Variants in DOCK7 observed in about 807,000 individuals in gnomAD.
The protein encoded by DOCK7 is dedicator of cytokinesis 7, also known as dedicator of cytokinesis protein 7.
DOCK7 carries 138 observed loss-of-function variants against 271.0 expected under a neutral mutation model. The ratio of observed to expected loss-of-function variants is 0.51; its 90% confidence interval spans 0.44 to 0.59. The LOEUF is 0.59. DOCK7 is among the 20% of genes least tolerant of loss of function. The probability of loss-of-function intolerance (pLI) is 0.00; values close to 1 mark genes in which losing one functional copy is unlikely to be tolerated. For missense variants in DOCK7, 2,066 were observed against 2,592.4 expected, an observed-to-expected ratio of 0.80 and a Z score of 4.41; for synonymous variants, 823 against 876.1, an observed-to-expected ratio of 0.94 and a Z score of 1.07.
chr1:62,530,012 A>G (rs1295748500), intron 29 of DOCK7, among the ~76,000 whole-genome samples: 1 of 152,224 alleles, frequency 6.6e-6, no homozygotes, highest in African/African-American at 2.4e-5. Context: ...CCTCAGTTTC[A>G]AATGGGCTAA....
chr1:62,530,360 A>G (rs1645137014), intron 29 of DOCK7, among the ~76,000 whole-genome samples: 3 of 152,184 alleles, frequency 2.0e-5, no homozygotes, highest in African/African-American at 7.2e-5. Context: ...TAATTTCTTC[A>G]TATGTTCAAT....
chr1:62,602,421 T>C, intron 14 of DOCK7: 1 of 1,545,962 alleles, frequency 6.5e-7, no homozygotes, highest in Non-Finnish European at 8.9e-7. Context: ...CTTGCTAATC[T>C]ACAAATATTT....
chr1:62,493,153 CTTAT>C (rs770143378), intron 40 of DOCK7, among the ~76,000 whole-genome samples: 50 of 152,040 alleles, frequency 3.3e-4, no homozygotes, highest in Non-Finnish European at 5.2e-4. Context: ...AATAGTCTTT[CTTAT>C]TTATTTAATT....
rs1240699111 is a variant in DOCK7, at chr1:62,528,301, A to G, written c.3786T>C (p.Thr1262=). The change falls in exon 31 of 50, where the codon ACT becomes ACC. Residue 1262 remains threonine, a synonymous_variant. Coordinates refer to ENST00000635253, the MANE Select transcript of DOCK7 (RefSeq NM_001367561.1). ...AAATTGGTCTTCCTCGTTGATTGTGAGTTTCTAAAGAAAAATAATCCAAAA... is the reference window on the plus strand; with the variant it reads ...AAATTGGTCTTCCTCGTTGATTGTGGGTTTCTAAAGAAAAATAATCCAAAA... The part of the protein sequence containing the change: ...TVPQLYDFTE[T]HNQRGRPICI... 1.9e-6 allele frequency: 3 copies of G among 1,607,876 alleles called. No homozygotes were observed. Among genetic ancestry groups the G allele is most frequent in the Non-Finnish European group, 2.5e-6 (3 of 1,177,330 alleles).
At chr1:62,548,151 T>TA (rs1028131320) in intron 22 of DOCK7, among the ~76,000 whole-genome samples, 56 of 143,110 alleles carry the variant, frequency 3.9e-4, no homozygotes, top group Admixed American at 7.7e-4. Context: ...AGATAAACAC[T>TA]AAAAAAAAAT....
At chr1:62,502,449 A>C (rs1646811085) in intron 37 of DOCK7, among the ~76,000 whole-genome samples, 1 of 152,196 alleles carries the variant, frequency 6.6e-6, no homozygotes, top group Non-Finnish European at 1.5e-5. Flanking sequence ...AATGCTGCTC[A>C]TGTGATATCC....
At chr1:62,601,699 T>A in intron 14 of DOCK7, 2 of 1,106,790 alleles carry the variant, frequency 1.8e-6, no homozygotes, top group Non-Finnish European at 1.4e-6. Context: ...AAATGTCAAG[T>A]GAAATCTCAA....
chr1:62,510,954 T>A (rs1401761555), intron 33 of DOCK7: 1 of 320,314 alleles, frequency 3.1e-6, no homozygotes, highest in Non-Finnish European at 5.7e-6. Context: ...TAACCATGGC[T>A]TATAAGGCCT....
At chr1:62,535,741 T>G (rs2149386023) in intron 28 of DOCK7, 109 bp from the exon 29 acceptor site, 2 of 1,098,006 alleles carry the variant, frequency 1.8e-6, no homozygotes, top group Non-Finnish European at 1.2e-6. Context: ...GTTTATTTTA[T>G]ATTACTAACA....
rs1571263409 is a variant in DOCK7, at chr1:62,488,106, G to A, written c.5494-694C>T. Reference sequence around the variant, plus strand: ...GTCAAGCTGATAGGTAACAAAGTAGGACTAATACTGAATACAAAAGTGGAT... The same window carrying A: ...GTCAAGCTGATAGGTAACAAAGTAGAACTAATACTGAATACAAAAGTGGAT... On this transcript the variant is annotated intron_variant, in intron 42 of 49. Transcript: ENST00000635253. 2.6e-5 allele frequency: 4 copies of A among 152,476 alleles called. No homozygotes were observed. In the South Asian group the frequency reaches 6.2e-4, roughly 24 times the overall value. The allele number at this position is 152,476 out of a possible 1,614,324, so 9.4% of individuals were successfully genotyped here.
chr1:62,674,309 A>ACCC (rs35650428), intron 1 of DOCK7, among the ~76,000 whole-genome samples: 15 of 150,948 alleles, frequency 9.9e-5, no homozygotes, highest in Non-Finnish European at 1.6e-4. Context: ...AAATAAATAG[A>ACCC]CCCCCCCCAC....
At chr1:62,660,971 C>T (rs563032427) in intron 2 of DOCK7, among the ~76,000 whole-genome samples, 29 of 151,932 alleles carry the variant, frequency 1.9e-4, no homozygotes, top group African/African-American at 6.0e-4. Context: ...TGATGGCATG[C>T]GCATGTAGTC....
chr1:62,525,714 T>G (rs966887051), intron 31 of DOCK7, among the ~76,000 whole-genome samples: 3 of 152,188 alleles, frequency 2.0e-5, no homozygotes, highest in African/African-American at 7.2e-5. Context: ...ATTTTGTACA[T>G]GCACTTTATT....
Position 62,499,911 on chromosome 1 carries a change from C to T in DOCK7, c.4765-3414G>A, listed in dbSNP as rs138441166. ...ATAAATAAATAAATACACAAGAAAC[C>T]CATCTTGAAGTTGTAAAACTGTTCT... On this transcript the variant is annotated intron_variant, in intron 37 of 49. Coordinates refer to ENST00000635253, the MANE Select transcript of DOCK7 (RefSeq NM_001367561.1). 8.1e-4 allele frequency among the ~76,000 whole-genome samples: 116 copies of T among 143,578 alleles called. 1 individual carries two copies. In the East Asian group the frequency reaches 0.022, roughly 28 times the overall value. The allele number at this position is 143,578 out of a possible 152,430, so 94.2% of individuals were successfully genotyped here.
intron 1 of DOCK7, 111 bp from the exon 2 acceptor site, chr1:62,663,241 A>G (rs1444573438): frequency 1.2e-6 from 1 of 801,748 alleles, no homozygotes; most frequent in Non-Finnish European, 2.0e-6. Context: ...GAAAAACAAA[A>G]TCTCAGCATA....
intron 14 of DOCK7, among the ~76,000 whole-genome samples, chr1:62,589,976 C>T (rs1328475457): frequency 6.6e-6 from 1 of 151,102 alleles, no homozygotes; most frequent in Non-Finnish European, 1.5e-5. Flanking sequence ...TACGTTCAGA[C>T]AGAGACAGAC....
At chr1:62,542,823 C>T in intron 24 of DOCK7, 120 bp from the exon 25 acceptor site, 1 of 815,226 alleles carries the variant, frequency 1.2e-6, no homozygotes, top group Non-Finnish European at 1.9e-6. Context: ...GCACGTGAAC[C>T]ATTCAATGAT....
Position 62,539,625 on chromosome 1 carries a change from G to GT in DOCK7, c.3219_3220insA (p.Leu1074ThrfsTer7). The GT allele has an allele frequency of 6.2e-7, 1 of 1,613,748 alleles. No individual in the cohort carries two copies. ...AACAGATCATTGAGAAAGAATGCAA[G>GT]GCTTGTATTGAGTCTCTCAACCATT... is the stretch of plus-strand genomic sequence containing the variant. On this transcript the variant is annotated frameshift_variant, in exon 27 of 50. Transcript: ENST00000635253. LOFTEE classifies it high-confidence loss of function.
chr1:62,502,750 ACAAC>A (rs1281803116), intron 37 of DOCK7, among the ~76,000 whole-genome samples: 2 of 140,130 alleles, frequency 1.4e-5, no homozygotes, highest in East Asian at 4.0e-4. Flanking sequence ...TAAGATGAAA[ACAAC>A]CAACACAATT....
Sources: gnomAD v4.1 joint callset for allele counts (sites outside exome capture counted in the v4.1 genomes callset) on GRCh38, gnomAD v4.1.1 for gene constraint, MANE v1.5 for transcripts, NCBI Gene and HGNC (gene_info 2026-07-23, HGNC 2026-07-21) for gene names.